LIPC: variants seen among roughly 807,000 people sequenced by gnomAD.
LIPC encodes hepatic triacylglycerol lipase.
In LIPC, 44 loss-of-function variants were observed where a neutral mutation model predicts 50.7. That is an observed-to-expected ratio of 0.87 (90% CI 0.68 to 1.11). The LOEUF (loss-of-function observed/expected upper bound fraction) is 1.11, where lower values mean the gene tolerates loss of function less well. LIPC is among the 50% of genes most tolerant of loss of function. The probability of loss-of-function intolerance (pLI) is 0.00; values close to 1 mark genes in which losing one functional copy is unlikely to be tolerated. For synonymous variants in LIPC, 271 were observed against 256.4 expected, an observed-to-expected ratio of 1.06 and a Z score of -0.54; for missense variants, 697 against 648.2, an observed-to-expected ratio of 1.08 and a Z score of -0.82.
At chr15:58,523,455 G>A (rs1892712851) in intron 1 of LIPC, 1 of 152,292 alleles carries the variant, frequency 6.6e-6, no homozygotes. Flanking sequence ...AAGCCAAGAA[G>A]ACAGACGAGG....
chr15:58,459,867 G>A (rs1046777159), intron 1 of LIPC, among the ~76,000 whole-genome samples: 8 of 152,254 alleles, frequency 5.3e-5, no homozygotes, highest in Admixed American at 3.3e-4. Flanking sequence ...CTTCACAGGC[G>A]GGGCCCTGGG....
At chr15:58,549,706 G>C (rs1893679422) in intron 6 of LIPC, among the ~76,000 whole-genome samples, 1 of 152,192 alleles carries the variant, frequency 6.6e-6, no homozygotes, top group Non-Finnish European at 1.5e-5. Flanking sequence ...TCCCTCCCTT[G>C]AGTCAAGCAG....
At chr15:58,535,062 C>A (rs1893070210) in intron 1 of LIPC, among the ~76,000 whole-genome samples, 1 of 152,236 alleles carries the variant, frequency 6.6e-6, no homozygotes, top group Non-Finnish European at 1.5e-5. Context: ...CTTTCTTTAA[C>A]AATTGCTCGT....
intron 1 of LIPC, among the ~76,000 whole-genome samples, chr15:58,478,386 A>G (rs1256509317): frequency 1.3e-5 from 2 of 152,066 alleles, no homozygotes; most frequent in Non-Finnish European, 2.9e-5. Flanking sequence ...CTACAGGCGC[A>G]CACCACCATA....
At chr15:58,568,291 A>T (rs1340162807) in intron 8 of LIPC, among the ~76,000 whole-genome samples, 1 of 152,222 alleles carries the variant, frequency 6.6e-6, no homozygotes, top group Non-Finnish European at 1.5e-5. Context: ...CAGCATTTAC[A>T]AACTGGAGCT....
At chr15:58,514,562 G>A (rs551460504) in intron 1 of LIPC, among the ~76,000 whole-genome samples, 6 of 152,288 alleles carry the variant, frequency 3.9e-5, no homozygotes, top group East Asian at 3.9e-4. Context: ...AGTGGCTCAC[G>A]TCTGGAATCC....
chr15:58,538,552 T>C (rs771277812), intron 2 of LIPC, 35 bp downstream of exon 2: 2 of 1,599,750 alleles, frequency 1.3e-6, no homozygotes, highest in South Asian at 1.1e-5. Context: ...TTCTCTCCGA[T>C]TTCACATTTT....
chr15:58,502,956 T>TAA (rs11449666), intron 1 of LIPC, among the ~76,000 whole-genome samples: 1,570 of 140,492 alleles, frequency 0.011, 21 homozygotes, highest in Middle Eastern at 0.019. Flanking sequence ...AAACATTGTT[T>TAA]AAAAAAAAAA....
chr15:58,437,876 T>C (rs75183008), intron 1 of LIPC, among the ~76,000 whole-genome samples: 1,753 of 152,284 alleles, frequency 0.012, 29 homozygotes, highest in African/African-American at 0.04. Flanking sequence ...CTCCCATCCA[T>C]GGCCATCCTT....
rs1266647589 is a variant in LIPC at position 58,548,360 on chromosome 15, A to G, written c.839A>G (p.Glu280Gly). The change falls in exon 6 of 9, where the codon GAG becomes GGG. Residue 280 changes from glutamate to glycine, a missense_variant. Glu to Gly is a moderately conservative substitution (Grantham distance 98). Transcript: ENST00000299022. The part of the protein sequence containing the change: ...AITQTIKCSH[E>G]RSVHLFIDSL... The stretch of plus-strand genomic sequence containing the variant: ...ACCCAGACCATAAAATGCTCCCACG[A>G]GCGATCGGTGCACCTTTTCATCGAC... The G allele has an allele frequency of 1.2e-6, 2 of 1,613,940 alleles. No homozygotes were observed. The highest frequency in any genetic ancestry group is 2.7e-5 in the African/African-American group (2 of 74,902).
At chr15:58,503,900 C>A (rs950254624) in intron 1 of LIPC, among the ~76,000 whole-genome samples, 1 of 152,160 alleles carries the variant, frequency 6.6e-6, no homozygotes, top group Non-Finnish European at 1.5e-5. Flanking sequence ...CATACACACC[C>A]ACACACCCAC....
chr15:58,516,667 T>C (rs1892498266), intron 1 of LIPC, among the ~76,000 whole-genome samples: 1 of 152,202 alleles, frequency 6.6e-6, no homozygotes, highest in Non-Finnish European at 1.5e-5. Flanking sequence ...TCTCTAGAAG[T>C]TCAGTTTAGA....
At chr15:58,558,623 T>C (rs1214005107) in intron 6 of LIPC, among the ~76,000 whole-genome samples, 8 of 2,474 alleles carry the variant, frequency 3.2e-3, no homozygotes, top group African/African-American at 4.2e-3. Flanking sequence ...CAAACCCTAT[T>C]GTGAACTATT....
intron 1 of LIPC, among the ~76,000 whole-genome samples, chr15:58,525,016 G>T (rs1204282656): frequency 6.6e-6 from 1 of 151,108 alleles, no homozygotes; most frequent in Non-Finnish European, 1.5e-5. Context: ...CAAGGAATTA[G>T]CCCATATTTT....
rs145799320 is a variant in LIPC at position 58,508,129 on chromosome 15, T to C, written c.89-30204T>C. 6.6e-5 allele frequency among the ~76,000 whole-genome samples: 10 copies of C among 152,190 alleles called. No individual in the cohort carries two copies. The East Asian group carries it at 1.7e-3, about 26-fold the overall frequency. On this transcript the variant is annotated intron_variant, in intron 1 of 8. Transcript: ENST00000299022. The stretch of plus-strand genomic sequence containing the variant: ...AACTCAGGGAGGAGACTAGAGGTAA[T>C]TGCTTTCTTCCTTGGTATTTCCAGA...
chr15:58,471,820 G>T (rs1379049668), intron 1 of LIPC, among the ~76,000 whole-genome samples: 1 of 152,142 alleles, frequency 6.6e-6, no homozygotes, highest in African/African-American at 2.4e-5. Context: ...AATCACAACT[G>T]CCCTTACTGC....
At chr15:58,527,119 A>G (rs754409755) in intron 1 of LIPC, among the ~76,000 whole-genome samples, 11 of 152,190 alleles carry the variant, frequency 7.2e-5, no homozygotes, top group Non-Finnish European at 1.6e-4. Flanking sequence ...GTCCAAAAGA[A>G]TATCTTAGGG....
chr15:58,561,302 G>A (rs1894154476), intron 7 of LIPC, among the ~76,000 whole-genome samples: 1 of 152,220 alleles, frequency 6.6e-6, no homozygotes, highest in Non-Finnish European at 1.5e-5. Flanking sequence ...AGAAAGGCAG[G>A]AGAACTCAAA....
intron 1 of LIPC, among the ~76,000 whole-genome samples, chr15:58,490,695 T>C (rs1000279221): frequency 1.7e-4 from 26 of 152,226 alleles, no homozygotes; most frequent in African/African-American, 5.3e-4. Context: ...TTTTCTCCCG[T>C]CATCTCCAGC....
Sources: gnomAD v4.1 joint callset for allele counts (sites outside exome capture counted in the v4.1 genomes callset) on GRCh38, gnomAD v4.1.1 for gene constraint, MANE v1.5 for transcripts, NCBI Gene and HGNC (gene_info 2026-07-23, HGNC 2026-07-21) for gene names.